Variants in ASIP observed in about 807,000 individuals in gnomAD.
The protein encoded by ASIP is agouti signaling protein, also known as agouti-signaling protein.
Under a neutral mutation model 10.3 loss-of-function variants are expected in ASIP, and 11 were observed. That is an observed-to-expected ratio of 1.07 (90% CI 0.68 to 1.78). The LOEUF (loss-of-function observed/expected upper bound fraction) is 1.78. Ranked by LOEUF, ASIP falls within the 40% of genes most tolerant of loss-of-function variation. The pLI is 0.00. For missense variants in ASIP, 180 were observed against 169.2 expected (o/e 1.06, Z -0.35); for synonymous variants, 70 against 70.8 (o/e 0.99, Z 0.06).
intron 1 of ASIP, among the ~76,000 whole-genome samples, chr20:34,208,075 C>T (rs1007593290): frequency 4.6e-5 from 7 of 152,070 alleles, no homozygotes; most frequent in African/African-American, 1.7e-4. Flanking sequence ...CCACACCCGG[C>T]CTCCAGCACC....
intron 1 of ASIP, among the ~76,000 whole-genome samples, chr20:34,249,223 G>A (rs1378527747): frequency 6.6e-6 from 1 of 152,064 alleles, no homozygotes; most frequent in Non-Finnish European, 1.5e-5. Context: ...GTCACACAGG[G>A]AGCTAGTGGC....
At chr20:34,223,158 GC>G (rs890711676) in intron 1 of ASIP, among the ~76,000 whole-genome samples, 1 of 151,656 alleles carries the variant, frequency 6.6e-6, no homozygotes, top group African/African-American at 2.4e-5. Context: ...TCTCCTCCTG[GC>G]CGCCATCCCA....
intron 1 of ASIP, among the ~76,000 whole-genome samples, chr20:34,206,085 C>T (rs2034934648): frequency 6.6e-6 from 1 of 152,024 alleles, no homozygotes; most frequent in South Asian, 2.1e-4. Context: ...CTCTGCCTCC[C>T]AGGTTCAAGC....
intron 2 of ASIP, among the ~76,000 whole-genome samples, chr20:34,260,809 A>G (rs2035677378): frequency 6.6e-6 from 1 of 152,228 alleles, no homozygotes; most frequent in Non-Finnish European, 1.5e-5. Context: ...AGCATTTCTG[A>G]AACTTAATGA....
chr20:34,260,685 G>A, intron 2 of ASIP, 151 bp downstream of exon 2: 1 of 945,820 alleles, frequency 1.1e-6, no homozygotes, highest in South Asian at 2.2e-5. Flanking sequence ...GGTGGCCCTT[G>A]ACTCATTTGG....
At chr20:34,246,734 AG>A (rs2122619991) in intron 1 of ASIP, among the ~76,000 whole-genome samples, 1 of 152,318 alleles carries the variant, frequency 6.6e-6, no homozygotes, top group African/African-American at 2.4e-5. Flanking sequence ...CTGGGATTAC[AG>A]GCGTGAGCCC....
intron 1 of ASIP, among the ~76,000 whole-genome samples, chr20:34,247,128 G>A (rs2035390070): frequency 6.6e-6 from 1 of 151,908 alleles, no homozygotes; most frequent in African/African-American, 2.4e-5. Context: ...AAGTAGCTGG[G>A]ACTACAGGCA....
chr20:34,201,489 T>C (rs6059712), intron 1 of ASIP, among the ~76,000 whole-genome samples: 41,459 of 152,100 alleles, frequency 0.27, 10,795 homozygotes, highest in African/African-American at 0.69. Context: ...AACAAACAGG[T>C]GTAAAAAAAT....
chr20:34,192,045 T>A (rs557601085), upstream of ASIP, among the ~76,000 whole-genome samples: 27 of 151,670 alleles, frequency 1.8e-4, no homozygotes, highest in African/African-American at 6.5e-4. Flanking sequence ...TTCTTTCTTT[T>A]TTTTTCTTTT....
rs2035616096 is a variant in ASIP, at chr20:34,258,674, C to CATATATATATATATTATATATATATATAT, written c.-10-1677_-10-1676insTATATATATATATATATATATATATATAT. 1.6e-4 allele frequency among the ~76,000 whole-genome samples: 2 copies of CATATATATATATATTATATATATATATAT among 12,146 alleles called. 1 individual carries two copies. Among genetic ancestry groups the CATATATATATATATTATATATATATATAT allele is most frequent in the Non-Finnish European group, 2.4e-4 (2 of 8,226 alleles). The allele number at this position is 12,146 out of a possible 152,430, so 8.0% of individuals were successfully genotyped here. A position where few individuals can be genotyped will look rare whatever the true frequency, so the allele number is the denominator to read the frequency against. On this transcript the variant is annotated intron_variant, in intron 1 of 3. Transcript: ENST00000374954. The stretch of plus-strand genomic sequence containing the variant: ...AGTTAATATCTTAGAAGGGGGATGC[C>CATATATATATATATTATATATATATATAT]ATATATATATATATATACATACTAT...
At chr20:34,213,754 A>C in intron 1 of ASIP, 1 of 1,505,744 alleles carries the variant, frequency 6.6e-7, no homozygotes, top group East Asian at 2.3e-5. Flanking sequence ...GAAAGTACAG[A>C]CTCCACTTCT....
At chr20:34,208,771 T>C (rs2034954091) in intron 1 of ASIP, among the ~76,000 whole-genome samples, 1 of 152,250 alleles carries the variant, frequency 6.6e-6, no homozygotes, top group Non-Finnish European at 1.5e-5. Flanking sequence ...TTTCCATTTT[T>C]TGGTGACCTC....
chr20:34,214,598 G>C (rs2034995435), intron 1 of ASIP: 1 of 1,310,402 alleles, frequency 7.6e-7, no homozygotes, highest in Admixed American at 1.7e-5. Flanking sequence ...ACAGAGGCCA[G>C]TAGTAACTCT....
At chr20:34,267,919 T>A (rs1395237371) in intron 3 of ASIP, among the ~76,000 whole-genome samples, 1 of 150,580 alleles carries the variant, frequency 6.6e-6, no homozygotes, top group Non-Finnish European at 1.5e-5. Flanking sequence ...TTTCAATATG[T>A]GATTAATTTA....
intron 1 of ASIP, among the ~76,000 whole-genome samples, chr20:34,225,682 G>A (rs1018758377): frequency 4.6e-5 from 7 of 151,968 alleles, no homozygotes; most frequent in African/African-American, 1.7e-4. Flanking sequence ...TCTCTCCGCT[G>A]ATTCATGTTT....
intron 3 of ASIP, among the ~76,000 whole-genome samples, chr20:34,268,758 CAAA>C (rs140598557): frequency 3.3e-5 from 5 of 149,926 alleles, no homozygotes; most frequent in African/African-American, 1.2e-4. Flanking sequence ...AACAAACAAA[CAAA>C]AAAAACACAA....
intron 1 of ASIP, among the ~76,000 whole-genome samples, chr20:34,245,084 C>T (rs1259993777): frequency 1.3e-5 from 2 of 151,836 alleles, no homozygotes; most frequent in African/African-American, 2.4e-5. Context: ...GCCTGTAATC[C>T]CAGCACTTTG....
At position 34,246,094 on chromosome 20, in the gene ASIP, T is replaced by G. The variant is rs565668592; in HGVS notation, c.-11+4605T>G. On this transcript the variant is annotated intron_variant, in intron 1 of 3. Coordinates refer to ENST00000374954, the MANE Select transcript of ASIP (RefSeq NM_001672.3). ...ATTACTGAGGCAGCACAGGAGAATT[T>G]TTGAGCAAAAATCTTTGTGCTTCTT... The G allele has an allele frequency of 5.6e-6, 5 of 895,554 alleles. No homozygotes were observed. The South Asian group carries it at 7.0e-5, about 13-fold the overall frequency. The allele number at this position is 895,554 out of a possible 1,614,324, so 55.5% of individuals were successfully genotyped here.
intron 1 of ASIP, among the ~76,000 whole-genome samples, chr20:34,197,756 G>A (rs572828612): frequency 4.5e-4 from 68 of 152,224 alleles, no homozygotes; most frequent in Non-Finnish European, 8.2e-4. Context: ...CCCAGACTCC[G>A]CAAGGTCATG....
Sources: gnomAD v4.1 joint callset for allele counts (sites outside exome capture counted in the v4.1 genomes callset) on GRCh38, gnomAD v4.1.1 for gene constraint, MANE v1.5 for transcripts, NCBI Gene and HGNC (gene_info 2026-07-23, HGNC 2026-07-21) for gene names.